Variants in CD274 observed in about 807,000 individuals in gnomAD.
The protein encoded by CD274 is programmed cell death 1 ligand 1.
A neutral mutation model predicts 30.1 loss-of-function variants in CD274; 8 were observed. That is an observed-to-expected ratio of 0.27 (90% CI 0.16 to 0.48). The LOEUF (loss-of-function observed/expected upper bound fraction) is 0.48. CD274 is among the 20% of genes least tolerant of loss of function. The pLI is 0.99. For synonymous variants in CD274, 152 were observed against 124.6 expected (o/e 1.22, Z -1.46); for missense variants, 353 against 346.6 (o/e 1.02, Z -0.15).
At chr9:5,455,895 C>G (rs1819293017) in intron 1 of CD274, among the ~76,000 whole-genome samples, 1 of 151,954 alleles carries the variant, frequency 6.6e-6, no homozygotes, top group Non-Finnish European at 1.5e-5. Flanking sequence ...CTTTTAGTAA[C>G]TTTTTTCACT....
chr9:5,469,598 C>T lies in CD274; in HGVS notation c.*1736C>T, dbSNP rs1263739185. On this transcript the variant is annotated 3_prime_UTR_variant, in exon 7 of 7. Transcript: ENST00000381577. ...AGCAGATGGAATGAATTTGAAGTTCCCAGGGCTGAGGATCCATGCCTTCTT... is the reference window on the plus strand; with the variant it reads ...AGCAGATGGAATGAATTTGAAGTTCTCAGGGCTGAGGATCCATGCCTTCTT... 1 of 231,860 alleles carries T rather than the reference C, an allele frequency of 4.3e-6. No homozygotes were observed. Among genetic ancestry groups the T allele is most frequent in the Non-Finnish European group, 8.5e-6 (1 of 117,348 alleles). 14.4% of individuals were successfully genotyped at this position (231,860 alleles called of 1,614,324 possible).
At chr9:5,450,832 A>T (rs1819189740) in intron 1 of CD274, among the ~76,000 whole-genome samples, 1 of 152,210 alleles carries the variant, frequency 6.6e-6, no homozygotes, top group Non-Finnish European at 1.5e-5. Flanking sequence ...AAAATAATTT[A>T]TACCTCTAAA....
In CD274 at chr9:5,456,102, C is replaced by A. The variant is rs780161012; in HGVS notation, c.-12C>A. On this transcript the variant is annotated splice_region_variant and 5_prime_UTR_variant, in exon 2 of 7. Coordinates refer to ENST00000381577, the MANE Select transcript of CD274 (RefSeq NM_014143.4). ...CTTTTCGTGTTTTCCATAATTAGGG[C>A]ATTCCAGAAAGATGAGGATATTTGC... 28 of 1,584,154 alleles carry A rather than the reference C, an allele frequency of 1.8e-5. No homozygotes were observed. Among genetic ancestry groups the A allele is most frequent in the Middle Eastern group, 1.7e-4 (1 of 6,012 alleles).
At chr9:5,467,256 T>C (rs74791855) in intron 6 of CD274, among the ~76,000 whole-genome samples, 6,547 of 151,784 alleles carry the variant, frequency 0.043, 179 homozygotes, top group Admixed American at 0.075. Flanking sequence ...CATTTTACAG[T>C]AGAGAAAACA....
In CD274 at chr9:5,457,359, G is replaced by A. The variant is rs2131212695; in HGVS notation, c.333G>A (p.Val111=). 1 of 1,614,092 alleles carries A rather than the reference G, an allele frequency of 6.2e-7. No homozygotes were observed. The highest frequency in any genetic ancestry group is 1.1e-5 in the South Asian group (1 of 91,084). Residue 111 remains valine (V), a synonymous_variant, in exon 3 of 7, where the codon GTG becomes GTA. Coordinates refer to ENST00000381577, the MANE Select transcript of CD274 (RefSeq NM_014143.4). ...ITDVKLQDAG[V]YRCMISYGGA... is the part of the protein sequence containing the mutation. ...ATGTGAAATTGCAGGATGCAGGGGT[G>A]TACCGCTGCATGATCAGCTATGGTG...
chr9:5,466,607 T>C (rs1435412544), intron 5 of CD274, among the ~76,000 whole-genome samples, 163 bp from the exon 6 acceptor site: 3 of 151,954 alleles, frequency 2.0e-5, no homozygotes, highest in Non-Finnish European at 2.9e-5. Context: ...CCCTACACTA[T>C]TGAATTAATT....
At chr9:5,452,889 G>T (rs1420049106) in intron 1 of CD274, among the ~76,000 whole-genome samples, 1 of 151,138 alleles carries the variant, frequency 6.6e-6, no homozygotes, top group South Asian at 2.1e-4. Flanking sequence ...ATAATGCTTT[G>T]CTTGGCATTA....
chr9:5,465,594 C>T lies in CD274; in HGVS notation c.778C>T (p.Arg260Cys), dbSNP rs568608390. 103 of 1,590,960 alleles carry T rather than the reference C, an allele frequency of 6.5e-5. No homozygotes were observed. The East Asian group carries it at 1.7e-3, about 27-fold the overall frequency. The change falls in exon 5 of 7, where the codon CGT (arginine) becomes TGT (cysteine). Residue 260 changes from arginine (R) to cysteine (C), a missense_variant. By Grantham distance (180) the Arg-to-Cys change is radical. Transcript: ENST00000381577. ...CLGVALTFIF[R>C]LRKGRMMDVK... The stretch of plus-strand genomic sequence containing the variant: ...TGGTGTAGCACTGACATTCATCTTC[C>T]GTTTAAGAAAAGGTAGTATTTCCTT...
rs763507364 is a variant in CD274 at position 5,463,097 on chromosome 9, C to T, written c.658C>T (p.His220Tyr). 14 of 1,613,858 alleles carry T rather than the reference C, an allele frequency of 8.7e-6. No individual in the cohort carries two copies. The South Asian group carries it at 1.2e-4, about 14-fold the overall frequency. Residue 220 changes from histidine (H) to tyrosine (Y), a missense_variant, in exon 4 of 7, where the codon CAT (histidine) becomes TAT (tyrosine). His to Tyr is a moderately conservative substitution (Grantham distance 83). Coordinates refer to ENST00000381577, the MANE Select transcript of CD274 (RefSeq NM_014143.4). ...TFRRLDPEEN[H>Y]TAELVIPELP... ...TAGGAGATTAGATCCTGAGGAAAACCATACAGCTGAATTGGTCATCCCAGG... is the reference window on the plus strand; with the variant it reads ...TAGGAGATTAGATCCTGAGGAAAACTATACAGCTGAATTGGTCATCCCAGG...
intron 1 of CD274, 99 bp from the exon 2 acceptor site, chr9:5,456,001 A>C: frequency 1.4e-6 from 1 of 739,560 alleles, no homozygotes; most frequent in Non-Finnish European, 2.4e-6. Context: ...ACTGGTTATT[A>C]GAAGACTATT....
At chr9:5,467,155 C>T (rs146933928) in intron 6 of CD274, among the ~76,000 whole-genome samples, 2 of 152,168 alleles carry the variant, frequency 1.3e-5, no homozygotes, top group African/African-American at 2.4e-5. Flanking sequence ...ATGTTAATTG[C>T]ACCATGCACG....
At chr9:5,462,282 A>C (rs1317500394) in intron 3 of CD274, among the ~76,000 whole-genome samples, 2 of 152,224 alleles carry the variant, frequency 1.3e-5, no homozygotes, top group African/African-American at 2.4e-5. Flanking sequence ...CTGAAGTCTA[A>C]GAAAAGAAAG....
At chr9:5,459,931 T>A (rs1819374884) in intron 3 of CD274, among the ~76,000 whole-genome samples, 1 of 152,082 alleles carries the variant, frequency 6.6e-6, no homozygotes, top group South Asian at 2.1e-4. Context: ...TGTTTAAGTG[T>A]TCTCTGTAGC....
rs1563802939 is a variant in CD274, at chr9:5,457,419, T to C, written c.393T>C (p.Asn131=). 6.2e-7 allele frequency: 1 copy of C among 1,611,006 alleles called. No homozygotes were observed. Among genetic ancestry groups the C allele is most frequent in the African/African-American group, 1.3e-5 (1 of 74,882 alleles). Residue 131 remains asparagine (N), a splice_region_variant and synonymous_variant, in exon 3 of 7, where the codon AAT becomes AAC. Coordinates refer to ENST00000381577, the MANE Select transcript of CD274 (RefSeq NM_014143.4). ...ACAAGCGAATTACTGTGAAAGTCAATGGTAAGAATTATTATAGATGAGAGG... is the reference window on the plus strand; with the variant it reads ...ACAAGCGAATTACTGTGAAAGTCAACGGTAAGAATTATTATAGATGAGAGG... ...ADYKRITVKV[N]APYNKINQRI... is the part of the protein sequence containing the mutation.
Position 5,468,362 on chromosome 9 carries a change from G to A in CD274, c.*500G>A, listed in dbSNP as rs868048588. 4 of 235,392 alleles carry A rather than the reference G, an allele frequency of 1.7e-5. No homozygotes were observed. The highest frequency in any genetic ancestry group is 5.6e-5 in the Admixed American group (1 of 17,974). 14.6% of individuals were successfully genotyped at this position (235,392 alleles called of 1,614,324 possible). ...TGAGGTCTTCTTGTCATGTGAGTGT[G>A]GTTGTGAATGATTTCTTTTGAAGAT... On this transcript the variant is annotated 3_prime_UTR_variant, in exon 7 of 7. Coordinates refer to ENST00000381577, the MANE Select transcript of CD274 (RefSeq NM_014143.4).
chr9:5,462,560 A>G (rs1020161198), intron 3 of CD274, among the ~76,000 whole-genome samples: 3 of 152,218 alleles, frequency 2.0e-5, no homozygotes, highest in African/African-American at 7.2e-5. Flanking sequence ...GTTTTAGTGT[A>G]AATTAATCTT....
At chr9:5,457,038 G>A in intron 2 of CD274, 41 bp from the exon 3 acceptor site, 3 of 1,421,640 alleles carry the variant, frequency 2.1e-6, no homozygotes, top group Non-Finnish European at 2.9e-6. Flanking sequence ...ATGTTTCGAG[G>A]AATTTTCCCT....
At chr9:5,460,501 T>A (rs1819385288) in intron 3 of CD274, among the ~76,000 whole-genome samples, 2 of 152,148 alleles carry the variant, frequency 1.3e-5, no homozygotes, top group South Asian at 2.1e-4. Flanking sequence ...AATGATGGAA[T>A]CTTTGATTCC....
chr9:5,462,750 C>G (rs983554042), intron 3 of CD274, 84 bp from the exon 4 acceptor site: 4 of 1,306,208 alleles, frequency 3.1e-6, no homozygotes, highest in South Asian at 1.4e-5. Flanking sequence ...TGCATTGATA[C>G]TCTTTCTAAT....
Sources: allele counts gnomAD v4.1 joint callset (sites outside exome capture counted in the v4.1 genomes callset), GRCh38; gene constraint gnomAD v4.1.1; transcripts MANE v1.5; gene names NCBI Gene and HGNC (gene_info 2026-07-23, HGNC 2026-07-21).